RNASEH2B: variants seen among roughly 807,000 people sequenced by gnomAD.
The protein encoded by RNASEH2B is ribonuclease H2 subunit B.
Under a neutral mutation model 45.0 loss-of-function variants are expected in RNASEH2B, and 36 were observed. The observed-to-expected ratio is 0.80, with a 90% CI of 0.61 to 1.06. The LOEUF (loss-of-function observed/expected upper bound fraction) is 1.06. RNASEH2B is among the 50% of genes least tolerant of loss of function. The pLI is 0.00. For missense variants in RNASEH2B, 361 were observed against 360.3 expected (o/e 1.00, Z -0.02); for synonymous variants, 119 against 125.7 (o/e 0.95, Z 0.35).
chr13:50,911,302 C>G (rs1050818485), intron 1 of RNASEH2B: 1 of 152,216 alleles, frequency 6.6e-6, no homozygotes, highest in Non-Finnish European at 1.5e-5. Flanking sequence ...TTGTGAAATT[C>G]ATTCATGTTG....
At position 50,910,037 on chromosome 13, in the gene RNASEH2B, G is replaced by A. The variant is rs2137865869; in HGVS notation, c.-40G>A. 4 of 1,459,702 alleles carry A rather than the reference G, an allele frequency of 2.7e-6. No individual in the cohort carries two copies. Among genetic ancestry groups the A allele is most frequent in the Non-Finnish European group, 3.6e-6 (4 of 1,107,438 alleles). The allele number at this position is 1,459,702 out of a possible 1,614,324, so 90.4% of individuals were successfully genotyped here. A position where few individuals can be genotyped will look rare whatever the true frequency, so the allele number is the denominator to read the frequency against. Reference sequence around the variant, plus strand: ...CGGCGGGGCTGGGAGACTGAGGCCCGCGGCGCTGAGCCTGCGGCGCCCCGG... The same window carrying A: ...CGGCGGGGCTGGGAGACTGAGGCCCACGGCGCTGAGCCTGCGGCGCCCCGG... On this transcript the variant is annotated 5_prime_UTR_variant, in exon 1 of 11. Transcript: ENST00000336617.
chr13:50,949,381 C>T lies in RNASEH2B; in HGVS notation c.699-82C>T, dbSNP rs182640298. 1.4e-5 allele frequency: 17 copies of T among 1,235,948 alleles called. 1 individual carries two copies. The highest frequency in any genetic ancestry group is 6.8e-5 in the Admixed American group (4 of 59,000). 76.6% of individuals were successfully genotyped at this position (1,235,948 alleles called of 1,614,324 possible). A position where few individuals can be genotyped will look rare whatever the true frequency, so the allele number is the denominator to read the frequency against. ...GCTGTAAGTTGAAAAGTAGGACTTACTAAGTCTTAAGTTGGCCCTGTCTTT... is the reference window on the plus strand; with the variant it reads ...GCTGTAAGTTGAAAAGTAGGACTTATTAAGTCTTAAGTTGGCCCTGTCTTT... On this transcript the variant is annotated intron_variant, in intron 8 of 10. Transcript: ENST00000336617.
intron 5 of RNASEH2B, chr13:50,942,234 G>A (rs921858907): frequency 6.6e-6 from 1 of 152,194 alleles, no homozygotes; most frequent in African/African-American, 2.4e-5. Context: ...GGGTTGCAGA[G>A]GAAATCATGG....
intron 9 of RNASEH2B, among the ~76,000 whole-genome samples, chr13:50,967,354 A>G (rs1000905196): frequency 6.6e-6 from 1 of 152,204 alleles, no homozygotes; most frequent in African/African-American, 2.4e-5. Flanking sequence ...TTCAAAGATT[A>G]TTTCACTTTG....
chr13:50,960,244 CATTTT>C (rs1265564203), downstream of RNASEH2B: 1 of 602,910 alleles, frequency 1.7e-6, no homozygotes, highest in African/African-American at 1.9e-5. Flanking sequence ...AAAAATTTTC[CATTTT>C]ATTTATTTTG....
intron 1 of RNASEH2B, among the ~76,000 whole-genome samples, chr13:50,922,083 AGTT>A (rs373014101): frequency 5.3e-5 from 8 of 152,308 alleles, no homozygotes; most frequent in African/African-American, 1.9e-4. Context: ...TGCAGGGCAT[AGTT>A]GTTATTTGAC....
chr13:50,930,598 T>G (rs939685384), intron 3 of RNASEH2B, 85 bp from the exon 4 acceptor site: 6 of 976,710 alleles, frequency 6.1e-6, no homozygotes, highest in Non-Finnish European at 9.9e-6. Context: ...TTTTCAACAC[T>G]GTTTTTCACT....
intron 5 of RNASEH2B, chr13:50,941,381 C>T (rs1951831556): frequency 6.6e-6 from 1 of 152,280 alleles, no homozygotes; most frequent in Middle Eastern, 3.4e-3. Flanking sequence ...TGCTCTCTGC[C>T]CCTTCTTAGA....
intron 5 of RNASEH2B, chr13:50,936,560 A>AG (rs1951755118): frequency 6.6e-6 from 1 of 152,228 alleles, no homozygotes. Context: ...ACATTCCCTG[A>AG]TGCTGAGTTT....
At chr13:50,962,846 T>A (rs1260973224) in intron 9 of RNASEH2B, among the ~76,000 whole-genome samples, 1 of 152,158 alleles carries the variant, frequency 6.6e-6, no homozygotes, top group African/African-American at 2.4e-5. Context: ...ATTAAGCTCC[T>A]TGAACTTTTG....
intron 3 of RNASEH2B, among the ~76,000 whole-genome samples, chr13:50,930,314 A>G (rs555466164): frequency 6.6e-6 from 1 of 152,330 alleles, no homozygotes; most frequent in South Asian, 2.1e-4. Flanking sequence ...TAGACTGACG[A>G]TACAGGTTCC....
rs746153565 is a variant in RNASEH2B, at chr13:50,948,034, A to G, written c.664A>G (p.Lys222Glu). The part of the protein sequence containing the change: ...AHGLISDYIP[K>E]ELSDDLSKYL... ...TGGTCTGATATCTGACTACATCCCTAAAGAATTAAGTGATGACTTATCTAA... is the reference window on the plus strand; with the variant it reads ...TGGTCTGATATCTGACTACATCCCTGAAGAATTAAGTGATGACTTATCTAA... The change falls in exon 8 of 11, where the codon AAA (lysine) becomes GAA (glutamate). Residue 222 changes from lysine (K) to glutamate (E), a missense_variant. Lys to Glu is a moderately conservative substitution (Grantham distance 56). Transcript: ENST00000336617. The G allele has an allele frequency of 1.9e-6, 3 of 1,611,486 alleles. No homozygotes were observed. The highest frequency in any genetic ancestry group is 2.5e-6 in the Non-Finnish European group (3 of 1,179,280).
intron 5 of RNASEH2B, 103 bp from the exon 6 acceptor site, chr13:50,943,218 A>G (rs1951854373): frequency 1.3e-6 from 1 of 750,438 alleles, no homozygotes; most frequent in Admixed American, 2.6e-5. Context: ...TCAAGAATTT[A>G]AACTTACAAA....
At chr13:50,916,876 G>A (rs1879775052) in intron 1 of RNASEH2B, among the ~76,000 whole-genome samples, 1 of 152,144 alleles carries the variant, frequency 6.6e-6, no homozygotes, top group South Asian at 2.1e-4. Flanking sequence ...AGCAGGGGTG[G>A]TGGAGAGCAT....
rs1020609646 is a variant in RNASEH2B, at chr13:50,946,385, A to C, written c.616+853A>C. Among the ~76,000 whole-genome samples, 5 of 152,352 alleles carry C rather than the reference A, an allele frequency of 3.3e-5. No individual in the cohort carries two copies. In the East Asian group the frequency reaches 9.6e-4, roughly 29 times the overall value. On this transcript the variant is annotated intron_variant, in intron 7 of 10. Transcript: ENST00000336617. ...TTTGTGATTGATAGTAATTCAGGCAATCTGATTTGCAGGAATCTACCTTGC... is the reference window on the plus strand; with the variant it reads ...TTTGTGATTGATAGTAATTCAGGCACTCTGATTTGCAGGAATCTACCTTGC...
chr13:50,944,103 G>C (rs1428277818), intron 6 of RNASEH2B, among the ~76,000 whole-genome samples: 1 of 151,894 alleles, frequency 6.6e-6, no homozygotes, highest in Non-Finnish European at 1.5e-5. Flanking sequence ...GCAGAGGAAG[G>C]GCAGGTATTA....
At chr13:50,918,177 G>A (rs528933009) in intron 1 of RNASEH2B, among the ~76,000 whole-genome samples, 3 of 152,020 alleles carry the variant, frequency 2.0e-5, no homozygotes, top group South Asian at 2.1e-4. Flanking sequence ...TCACTCTGTC[G>A]CCCAGGCTGG....
chr13:50,935,215 A>C (rs1356601993), intron 5 of RNASEH2B: 1 of 559,164 alleles, frequency 1.8e-6, no homozygotes, highest in African/African-American at 1.9e-5. Context: ...GCCTACGTCC[A>C]CAGGGCAGGA....
intron 8 of RNASEH2B, 199 bp from the exon 9 acceptor site, chr13:50,949,264 A>G: frequency 1.7e-6 from 1 of 575,564 alleles, no homozygotes; most frequent in Non-Finnish European, 3.1e-6. Flanking sequence ...CACCAAAACA[A>G]GGACTTACAT....
Sources: allele counts gnomAD v4.1 joint callset (sites outside exome capture counted in the v4.1 genomes callset), GRCh38; gene constraint gnomAD v4.1.1; transcripts MANE v1.5; gene names NCBI Gene and HGNC (gene_info 2026-07-23, HGNC 2026-07-21).